Variants in XIRP2 observed in about 807,000 individuals in gnomAD.
The protein encoded by XIRP2 is xin actin binding repeat containing 2.
In XIRP2, 236 loss-of-function variants were observed where a neutral mutation model predicts 277.0. That is an observed-to-expected ratio of 0.85 (90% CI 0.77 to 0.95). The LOEUF is 0.95. Among genes scored for constraint, XIRP2 ranks in the 40% least tolerant of loss-of-function variants. XIRP2 has a pLI of 0.00. For missense variants in XIRP2, 4,640 were observed against 4,157.5 expected (o/e 1.12, Z -3.19); for synonymous variants, 1,490 against 1,416.5 (o/e 1.05, Z -1.17).
intron 2 of XIRP2, among the ~76,000 whole-genome samples, chr2:167,031,962 T>A (rs1242356973): frequency 6.6e-6 from 1 of 152,150 alleles, no homozygotes; most frequent in East Asian, 1.9e-4. Flanking sequence ...ACTTTAAATT[T>A]CATATGGAAA....
chr2:167,204,733 C>T (rs1693809481), intron 3 of XIRP2, among the ~76,000 whole-genome samples: 1 of 152,048 alleles, frequency 6.6e-6, no homozygotes, highest in Non-Finnish European at 1.5e-5. Context: ...TTTTCTGGCC[C>T]ATCAGTGTTC....
chr2:167,207,754 A>G (rs911182723), intron 3 of XIRP2, among the ~76,000 whole-genome samples: 1 of 152,178 alleles, frequency 6.6e-6, no homozygotes, highest in African/African-American at 2.4e-5. Flanking sequence ...GGATCTATCT[A>G]TAGTATATGA....
chr2:167,008,448 A>G (rs1220645181), intron 2 of XIRP2, among the ~76,000 whole-genome samples: 1 of 151,662 alleles, frequency 6.6e-6, no homozygotes. Context: ...AAATTCTGTC[A>G]TAATAAAATG....
At chr2:167,226,427 A>G (rs1694604939) in intron 5 of XIRP2, among the ~76,000 whole-genome samples, 1 of 152,156 alleles carries the variant, frequency 6.6e-6, no homozygotes, top group Non-Finnish European at 1.5e-5. Context: ...TAGAAATTGA[A>G]TCAACAGAAT....
intron 2 of XIRP2, among the ~76,000 whole-genome samples, chr2:166,910,563 G>T (rs568757931): frequency 2.6e-5 from 4 of 152,082 alleles, no homozygotes; most frequent in African/African-American, 7.2e-5. Context: ...CAAAAAACCA[G>T]CTCCTGGATT....
At chr2:167,255,778 T>A (rs755317589) in intron 10 of XIRP2, among the ~76,000 whole-genome samples, 7 of 151,844 alleles carry the variant, frequency 4.6e-5, no homozygotes, top group Non-Finnish European at 8.8e-5. Flanking sequence ...ATATTAAAGC[T>A]TGGTTTCTAG....
chr2:167,082,224 C>A (rs1281924152), intron 2 of XIRP2, among the ~76,000 whole-genome samples: 3 of 151,902 alleles, frequency 2.0e-5, no homozygotes, highest in Admixed American at 6.6e-5. Flanking sequence ...CGATAGTTTA[C>A]TGAGAATGAT....
rs1440235179 is a variant in XIRP2 at position 167,245,743 on chromosome 2, A to G, written c.4351A>G (p.Thr1451Ala). 1 of 1,613,774 alleles carries G rather than the reference A, an allele frequency of 6.2e-7. No individual in the cohort carries two copies. The highest frequency in any genetic ancestry group is 2.2e-5 in the East Asian group (1 of 44,822). The change falls in exon 9 of 11, where the codon ACA becomes GCA. Residue 1451 changes from threonine (T) to alanine (A), a missense_variant. Coordinates refer to ENST00000409195, the MANE Select transcript of XIRP2 (RefSeq NM_152381.6). ...VNEIQKGNVK[T>A]STWLFETHTM... ...TGAAATACAAAAGGGCAATGTTAAAACATCTACTTGGCTATTTGAAACCCA... is the reference window on the plus strand; with the variant it reads ...TGAAATACAAAAGGGCAATGTTAAAGCATCTACTTGGCTATTTGAAACCCA...
intron 3 of XIRP2, among the ~76,000 whole-genome samples, chr2:167,148,497 A>C (rs917769293): frequency 2.2e-4 from 31 of 142,210 alleles, no homozygotes; most frequent in African/African-American, 7.3e-4. Context: ...GAGAGGAAAG[A>C]AGGAAGGGAG....
At chr2:166,939,734 A>AG (rs1482391122) in intron 2 of XIRP2, among the ~76,000 whole-genome samples, 67 of 151,820 alleles carry the variant, frequency 4.4e-4, no homozygotes, top group African/African-American at 1.6e-3. Flanking sequence ...CAAAAAAAAA[A>AG]CAAAGAAAAT....
intron 2 of XIRP2, among the ~76,000 whole-genome samples, chr2:167,021,535 G>A (rs371478410): frequency 7.2e-5 from 11 of 152,108 alleles, no homozygotes; most frequent in African/African-American, 2.6e-4. Context: ...GATTTTTAAT[G>A]TTTGTTGGAA....
intron 2 of XIRP2, among the ~76,000 whole-genome samples, chr2:167,089,863 A>G (rs555074603): frequency 1.4e-4 from 21 of 152,208 alleles, no homozygotes; most frequent in Admixed American, 7.2e-4. Context: ...GCAGTTTGGT[A>G]GTAGAGACAG....
At chr2:167,074,840 G>T (rs891108572) in intron 2 of XIRP2, among the ~76,000 whole-genome samples, 4 of 152,096 alleles carry the variant, frequency 2.6e-5, no homozygotes, top group African/African-American at 9.7e-5. Flanking sequence ...GCCCAAGCTG[G>T]TCTCAAACTC....
intron 1 of XIRP2, among the ~76,000 whole-genome samples, chr2:166,898,872 T>A (rs1435711968): frequency 6.6e-6 from 1 of 152,204 alleles, no homozygotes; most frequent in East Asian, 1.9e-4. Flanking sequence ...ACGGTACTTT[T>A]ATCGTATGTG....
At chr2:166,941,493 T>C (rs1431068912) in intron 2 of XIRP2, among the ~76,000 whole-genome samples, 3 of 152,198 alleles carry the variant, frequency 2.0e-5, no homozygotes, top group Non-Finnish European at 4.4e-5. Context: ...ATGAACCCAG[T>C]ACCTCAGTTG....
chr2:167,253,531 A>T (rs984490584), intron 9 of XIRP2, among the ~76,000 whole-genome samples: 2 of 151,862 alleles, frequency 1.3e-5, no homozygotes, highest in Admixed American at 1.3e-4. Flanking sequence ...TCCTTGGCTT[A>T]AAAAACATAT....
intron 2 of XIRP2, among the ~76,000 whole-genome samples, chr2:166,971,266 C>G (rs1451709002): frequency 6.6e-6 from 1 of 151,970 alleles, no homozygotes; most frequent in Non-Finnish European, 1.5e-5. Context: ...TTGCTAATTG[C>G]TTTCACAACC....
At chr2:166,932,039 C>T (rs533122601) in intron 2 of XIRP2, among the ~76,000 whole-genome samples, 166 of 152,146 alleles carry the variant, frequency 1.1e-3, no homozygotes, top group Non-Finnish European at 1.8e-3. Context: ...CAATGTTTAT[C>T]GCACATATGG....
At chr2:166,908,072 CAT>C (rs1373111595) in intron 2 of XIRP2, among the ~76,000 whole-genome samples, 1 of 152,222 alleles carries the variant, frequency 6.6e-6, no homozygotes, top group African/African-American at 2.4e-5. Context: ...CCGCAGTAAA[CAT>C]ATGTGTGCAT....
Sources: allele counts gnomAD v4.1 joint callset (sites outside exome capture counted in the v4.1 genomes callset), GRCh38; gene constraint gnomAD v4.1.1; transcripts MANE v1.5; gene names NCBI Gene and HGNC (gene_info 2026-07-23, HGNC 2026-07-21).